NOP2: variants seen among roughly 807,000 people sequenced by gnomAD.
NOP2 encodes the protein 28S rRNA (cytosine(4447)-C(5))-methyltransferase.
A neutral mutation model predicts 72.7 loss-of-function variants in NOP2; 7 were observed. The observed-to-expected ratio is 0.10, with a 90% CI of 0.05 to 0.18. The LOEUF (loss-of-function observed/expected upper bound fraction) is 0.18. Ranked by LOEUF, NOP2 falls within the 10% of genes least tolerant of loss-of-function variation. The pLI is 1.00. For synonymous variants in NOP2, 387 were observed against 388.0 expected (o/e 1.00, Z 0.03); for missense variants, 954 against 1,014.7 (o/e 0.94, Z 0.81).
chr12:6,566,950 T>A, intron 2 of NOP2, 128 bp from the exon 3 acceptor site: 1 of 761,904 alleles, frequency 1.3e-6, no homozygotes, highest in Non-Finnish European at 2.2e-6. Context: ...CTCAGCCCTG[T>A]TATTATTTAA....
At chr12:6,566,886 G>C in intron 2 of NOP2, 64 bp from the exon 3 acceptor site, 1 of 1,328,826 alleles carries the variant, frequency 7.5e-7, no homozygotes, top group Admixed American at 2.0e-5. Context: ...AATGGGAACG[G>C]AAATAAACAT....
At chr12:6,563,969 A>G in intron 5 of NOP2, 23 bp from the exon 6 acceptor site, 3 of 1,610,652 alleles carry the variant, frequency 1.9e-6, no homozygotes, top group South Asian at 2.2e-5. Flanking sequence ...AAGGGCTATT[A>G]ATACAGGCCT....
chr12:6,563,009 C>G lies in NOP2; in HGVS notation c.978+72G>C, dbSNP rs143087251. 2.6e-4 allele frequency: 368 copies of G among 1,428,616 alleles called. No homozygotes were observed. In the African/African-American group the frequency reaches 4.9e-3, roughly 19 times the overall value. 88.5% of individuals were successfully genotyped at this position (1,428,616 alleles called of 1,614,324 possible). Reference sequence around the variant, plus strand: ...AAGGCCCCACCCAGTCAGGGTAGCACAGAGGAATCTCTGGAGTTGGCAGAA... The same window carrying G: ...AAGGCCCCACCCAGTCAGGGTAGCAGAGAGGAATCTCTGGAGTTGGCAGAA... On this transcript the variant is annotated intron_variant, in intron 9 of 15. Transcript: ENST00000322166.
At chr12:6,564,133 G>A (rs1361401563) in intron 5 of NOP2, 187 bp from the exon 6 acceptor site, 1 of 1,478,194 alleles carries the variant, frequency 6.8e-7, no homozygotes, top group Non-Finnish European at 9.0e-7. Flanking sequence ...AAGTAATGAG[G>A]GCATGGTGGC....
chr12:6,557,055 G>T lies in NOP2; in HGVS notation c.2377C>A (p.Pro793Thr). 1.2e-6 allele frequency: 2 copies of T among 1,614,022 alleles called. No homozygotes were observed. Among genetic ancestry groups the T allele is most frequent in the Non-Finnish European group, 1.7e-6 (2 of 1,179,902 alleles). Residue 793 changes from proline (P) to threonine (T), a missense_variant, in exon 16 of 16, where the codon CCC (proline) becomes ACC (threonine). Pro to Thr is a conservative substitution (Grantham distance 38). This residue lies in a region of NOP2 where 269 missense variants were observed against 260.2 expected (regional missense o/e 1.03). Coordinates refer to ENST00000322166, the MANE Select transcript of NOP2 (RefSeq NM_001258308.2). The stretch of plus-strand genomic sequence containing the variant: ...GATTTCTTCCTCTTTGCTGGTGGGG[G>T]GCGGCTGGAACGGATGGGAGACACA... ...PTVSPIRSSR[P>T]PPAKRKKSQS... is the part of the protein sequence containing the mutation.
Position 6,563,433 on chromosome 12 carries a change from C to T in NOP2, c.770G>A (p.Arg257Gln), listed in dbSNP as rs138118608. The T allele has an allele frequency of 4.4e-4, 710 of 1,609,516 alleles. 1 individual carries two copies. Among genetic ancestry groups the T allele is most frequent in the East Asian group, 2.4e-3 (108 of 44,724 alleles). The change falls in exon 8 of 16, where the codon CGG (arginine) becomes CAG (glutamine). Residue 257 changes from arginine (R) to glutamine (Q), a missense_variant. By Grantham distance (43) the Arg-to-Gln change is conservative. Transcript: ENST00000322166. ...VGILRDFGAQREEGRSRSEYL... is the reference protein window; with the variant it reads ...VGILRDFGAQQEEGRSRSEYL... ...TTCAGAACGAGACCGCCCTTCCTCC[C>T]GCTGAGCCCCAAAATCACGCAGAAT... is the stretch of plus-strand genomic sequence containing the variant.
At chr12:6,561,112 T>C (rs761346827) in intron 11 of NOP2, 42 bp from the exon 12 acceptor site, 6 of 1,606,670 alleles carry the variant, frequency 3.7e-6, no homozygotes, top group Non-Finnish European at 8.5e-7. Context: ...CCAGTTCCAC[T>C]GTCTCCACAC....
chr12:6,565,793 A>G (rs139369837), intron 5 of NOP2, among the ~76,000 whole-genome samples: 1 of 152,324 alleles, frequency 6.6e-6, no homozygotes, highest in African/African-American at 2.4e-5. Context: ...CAAATTTTTC[A>G]AAGTTCTGAG....
At position 6,557,052 on chromosome 12, in the gene NOP2, G is replaced by C. The variant is rs753790573; in HGVS notation, c.2380C>G (p.Pro794Ala). 3.0e-5 allele frequency: 49 copies of C among 1,613,892 alleles called. No individual in the cohort carries two copies. The highest frequency in any genetic ancestry group is 4.0e-5 in the Non-Finnish European group (47 of 1,179,894). ...TVSPIRSSRP[P>A]PAKRKKSQSR... ...TGAGATTTCTTCCTCTTTGCTGGTG[G>C]GGGGCGGCTGGAACGGATGGGAGAC... The change falls in exon 16 of 16, where the codon CCA (proline) becomes GCA (alanine). Residue 794 changes from proline to alanine, a missense_variant. Around this residue, in one of 3 missense-constraint regions of NOP2, gnomAD observed 269 missense variants for 260.2 expected, o/e 1.03. Coordinates refer to ENST00000322166, the MANE Select transcript of NOP2 (RefSeq NM_001258308.2).
In NOP2 at chr12:6,566,490, G is replaced by A. The variant is rs776141301; in HGVS notation, c.238+39C>T. ...GTTCTTCCCTACCCAGGACCCAAAG[G>A]GACTCCTCATGTAGCATCCAGCTCT... On this transcript the variant is annotated intron_variant, in intron 4 of 15. Coordinates refer to ENST00000322166, the MANE Select transcript of NOP2 (RefSeq NM_001258308.2). 13 of 1,589,578 alleles carry A rather than the reference G, an allele frequency of 8.2e-6. No homozygotes were observed. In the South Asian group the frequency reaches 1.2e-4, roughly 15 times the overall value.
intron 15 of NOP2, among the ~76,000 whole-genome samples, chr12:6,558,834 T>G (rs1458067689): frequency 6.6e-6 from 1 of 152,178 alleles, no homozygotes; most frequent in Non-Finnish European, 1.5e-5. Flanking sequence ...GTACTGGGAT[T>G]TATAGGCATG....
intron 15 of NOP2, chr12:6,558,080 G>A (rs2534703): frequency 2.3e-5 from 8 of 347,106 alleles, no homozygotes; most frequent in Non-Finnish European, 4.3e-5. Flanking sequence ...GGTGGAGGTT[G>A]CAATGAGCTG....
In NOP2 at chr12:6,563,666, G is replaced by T. The variant is rs1947705976; in HGVS notation, c.636C>A (p.Ile212=). The T allele has an allele frequency of 6.2e-7, 1 of 1,613,634 alleles. No individual in the cohort carries two copies. Among genetic ancestry groups the T allele is most frequent in the African/African-American group, 1.3e-5 (1 of 75,022 alleles). The change falls in exon 7 of 16, where the codon ATC becomes ATA. Residue 212 remains isoleucine, a synonymous_variant. Transcript: ENST00000322166. The part of the protein sequence containing the change: ...KVEEADGGLQ[I]NVDEEPFVLP... ...GCACAAATGGTTCCTCATCCACATTGATCTGCAGGCCCCCATCTGCCTCTT... is the reference window on the plus strand; with the variant it reads ...GCACAAATGGTTCCTCATCCACATTTATCTGCAGGCCCCCATCTGCCTCTT...
In NOP2 at chr12:6,562,840, C is replaced by T. The variant is rs577585207; in HGVS notation, c.978+241G>A. ...CCCTCCAATTTCCTTGGGGGCAGCA[C>T]GCTCATCCTGAAGTCTCATCATCCT... is the stretch of plus-strand genomic sequence containing the variant. On this transcript the variant is annotated intron_variant, in intron 9 of 15. Coordinates refer to ENST00000322166, the MANE Select transcript of NOP2 (RefSeq NM_001258308.2). Among the ~76,000 whole-genome samples the T allele has an allele frequency of 2.6e-5, 4 of 152,292 alleles. No individual in the cohort carries two copies. The South Asian group carries it at 8.3e-4, about 32-fold the overall frequency.
At chr12:6,564,201 G>A (rs929850142) in intron 5 of NOP2, 58 of 1,042,628 alleles carry the variant, frequency 5.6e-5, no homozygotes, top group Non-Finnish European at 6.9e-5. Flanking sequence ...GCTTGAACCC[G>A]GGAGGTGGAG....
chr12:6,565,629 T>G (rs562860452), intron 5 of NOP2, among the ~76,000 whole-genome samples: 1 of 152,210 alleles, frequency 6.6e-6, no homozygotes, highest in South Asian at 2.1e-4. Flanking sequence ...CATGAGCCAC[T>G]GTGCCAGGCC....
intron 5 of NOP2, among the ~76,000 whole-genome samples, chr12:6,564,754 T>TA (rs1371341922): frequency 6.6e-6 from 1 of 151,468 alleles, no homozygotes; most frequent in Non-Finnish European, 1.5e-5. Context: ...TTTTTTTTTT[T>TA]ACTTACTCTG....
At chr12:6,558,724 C>G (rs1947570948) in intron 15 of NOP2, among the ~76,000 whole-genome samples, 1 of 151,532 alleles carries the variant, frequency 6.6e-6, no homozygotes, top group South Asian at 2.1e-4. Context: ...GATCCTCCTA[C>G]CTCAGCCTCC....
rs1947772875 is a variant in NOP2, at chr12:6,566,127, A to T, written c.448T>A (p.Ser150Thr). ...GCTTCACCTTCCTCCTCATCCTCAG[A>T]GTTGGAGTCAGCTCCATAGTCATCT... ...TVDDYGADSN[S>T]EDEEEGEALL... The change falls in exon 5 of 16, where the codon TCT (serine) becomes ACT (threonine). Residue 150 changes from serine to threonine, a missense_variant. By Grantham distance (58) the Ser-to-Thr change is moderately conservative. Transcript: ENST00000322166. 1.2e-6 allele frequency: 2 copies of T among 1,613,804 alleles called. No homozygotes were observed. Among genetic ancestry groups the T allele is most frequent in the Non-Finnish European group, 1.7e-6 (2 of 1,179,812 alleles).
Sources: gnomAD v4.1 joint callset for allele counts (sites outside exome capture counted in the v4.1 genomes callset) on GRCh38, gnomAD v4.1.1 for gene constraint, gnomAD v4.1.1 regional missense constraint, MANE v1.5 for transcripts, NCBI Gene and HGNC (gene_info 2026-07-23, HGNC 2026-07-21) for gene names.